The following KCNIP4 variants were observed in gnomAD, a reference collection of about 807,000 sequenced individuals.
KCNIP4 encodes the protein potassium voltage-gated channel interacting protein 4.
In KCNIP4, 12 loss-of-function variants were observed where a neutral mutation model predicts 34.0. The observed-to-expected ratio is 0.35, with a 90% CI of 0.23 to 0.57. The LOEUF (loss-of-function observed/expected upper bound fraction) is 0.57, where lower values mean the gene tolerates loss of function less well. Among genes scored for constraint, KCNIP4 ranks in the 20% least tolerant of loss-of-function variants. The probability of loss-of-function intolerance (pLI) is 0.83; values close to 1 mark genes in which losing one functional copy is unlikely to be tolerated. For missense variants in KCNIP4, 238 were observed against 311.7 expected, an observed-to-expected ratio of 0.76 and a Z score of 1.78; for synonymous variants, 124 against 102.2, an observed-to-expected ratio of 1.21 and a Z score of -1.29.
At chr4:21,048,688 G>T (rs978012355) in intron 1 of KCNIP4, among the ~76,000 whole-genome samples, 2 of 152,136 alleles carry the variant, frequency 1.3e-5, no homozygotes, top group Non-Finnish European at 2.9e-5. Context: ...ATTAAAGATG[G>T]CCACACATTC....
At chr4:21,614,154 A>G (rs1033195867) in intron 1 of KCNIP4, among the ~76,000 whole-genome samples, 1 of 152,068 alleles carries the variant, frequency 6.6e-6, no homozygotes, top group African/African-American at 2.4e-5. Flanking sequence ...CAAAAAAAAA[A>G]AAAAAATTCT....
intron 5 of KCNIP4, among the ~76,000 whole-genome samples, chr4:20,735,128 A>T (rs573971882): frequency 1.3e-5 from 2 of 152,368 alleles, no homozygotes; most frequent in South Asian, 4.1e-4. Flanking sequence ...CCGTTTGCTA[A>T]TAAGAAATGT....
chr4:21,637,951 T>C (rs970434583), intron 1 of KCNIP4, among the ~76,000 whole-genome samples: 2 of 152,130 alleles, frequency 1.3e-5, no homozygotes, highest in African/African-American at 4.8e-5. Context: ...CCAATTTTAA[T>C]GTCCATGCTC....
chr4:21,362,458 C>T (rs1719327496), intron 1 of KCNIP4, among the ~76,000 whole-genome samples: 1 of 152,116 alleles, frequency 6.6e-6, no homozygotes, highest in African/African-American at 2.4e-5. Flanking sequence ...AAGGTATGAG[C>T]TTTGGAGTCT....
At chr4:20,956,158 G>A (rs770162057) in intron 1 of KCNIP4, among the ~76,000 whole-genome samples, 18 of 152,110 alleles carry the variant, frequency 1.2e-4, no homozygotes, top group Non-Finnish European at 2.6e-4. Flanking sequence ...TTCAATAAAT[G>A]TTTACCAGTA....
intron 3 of KCNIP4, among the ~76,000 whole-genome samples, chr4:20,831,020 T>C (rs1718368653): frequency 6.6e-6 from 1 of 152,196 alleles, no homozygotes; most frequent in Non-Finnish European, 1.5e-5. Context: ...AGTATTTGCC[T>C]CTGTAAAATA....
intron 1 of KCNIP4, among the ~76,000 whole-genome samples, chr4:21,335,024 A>G (rs1716037865): frequency 6.6e-6 from 1 of 151,982 alleles, no homozygotes; most frequent in Admixed American, 6.6e-5. Flanking sequence ...CATTCCCAGG[A>G]GCTCTCCTTT....
intron 1 of KCNIP4, among the ~76,000 whole-genome samples, chr4:21,713,204 C>T (rs896656573): frequency 2.0e-5 from 3 of 152,140 alleles, no homozygotes; most frequent in Non-Finnish European, 4.4e-5. Flanking sequence ...GTATATTAAA[C>T]ACATTGGAAA....
At chr4:21,713,631 T>C (rs1713919863) in intron 1 of KCNIP4, among the ~76,000 whole-genome samples, 1 of 152,174 alleles carries the variant, frequency 6.6e-6, no homozygotes. Context: ...CTTCTAGCAA[T>C]TTTGAAATAT....
intron 1 of KCNIP4, among the ~76,000 whole-genome samples, chr4:21,874,158 T>C (rs1725968266): frequency 6.6e-6 from 1 of 152,240 alleles, no homozygotes; most frequent in South Asian, 2.1e-4. Context: ...AGAATGGTTA[T>C]GTCACATTCG....
chr4:21,074,907 T>C (rs569632415), intron 1 of KCNIP4, among the ~76,000 whole-genome samples: 1 of 152,324 alleles, frequency 6.6e-6, no homozygotes, highest in East Asian at 1.9e-4. Flanking sequence ...CCAGTAGTCA[T>C]TCAGGAGCAG....
chr4:20,793,776 C>G (rs554651939), intron 3 of KCNIP4, among the ~76,000 whole-genome samples: 4 of 151,858 alleles, frequency 2.6e-5, no homozygotes, highest in African/African-American at 9.7e-5. Flanking sequence ...CTAGATGATC[C>G]CATCTGAGGG....
intron 3 of KCNIP4, among the ~76,000 whole-genome samples, chr4:20,787,564 T>C (rs369500643): frequency 1.3e-5 from 2 of 152,150 alleles, no homozygotes; most frequent in African/African-American, 4.8e-5. Context: ...TCTGTATCTC[T>C]ATGTATATGA....
At chr4:21,878,205 A>T (rs915762656) in intron 1 of KCNIP4, among the ~76,000 whole-genome samples, 1 of 152,116 alleles carries the variant, frequency 6.6e-6, no homozygotes, top group Non-Finnish European at 1.5e-5. Flanking sequence ...CCACCCAAGT[A>T]GCTGGGATTA....
intron 3 of KCNIP4, among the ~76,000 whole-genome samples, chr4:20,811,730 T>TA (rs1428784197): frequency 6.6e-6 from 1 of 152,140 alleles, no homozygotes; most frequent in Non-Finnish European, 1.5e-5. Flanking sequence ...GAAGACTAGT[T>TA]AAGAAGTTTT....
At chr4:21,089,020 C>T (rs1746730738) in intron 1 of KCNIP4, among the ~76,000 whole-genome samples, 1 of 152,146 alleles carries the variant, frequency 6.6e-6, no homozygotes, top group Non-Finnish European at 1.5e-5. Context: ...CCTATTATAA[C>T]TTCAGATAGG....
intron 1 of KCNIP4, among the ~76,000 whole-genome samples, chr4:21,198,175 C>G (rs1173326881): frequency 2.0e-5 from 3 of 152,168 alleles, no homozygotes; most frequent in African/African-American, 2.4e-5. Flanking sequence ...TGTACAATAA[C>G]ATTATTCTCG....
chr4:20,986,950 G>C (rs751522526), intron 1 of KCNIP4, among the ~76,000 whole-genome samples: 1 of 152,084 alleles, frequency 6.6e-6, no homozygotes, highest in Non-Finnish European at 1.5e-5. Context: ...TCTCTCAGCT[G>C]TGGCTACCGG....
At chr4:20,894,835 T>C (rs530930723) in intron 1 of KCNIP4, among the ~76,000 whole-genome samples, 1 of 152,196 alleles carries the variant, frequency 6.6e-6, no homozygotes, top group African/African-American at 2.4e-5. Flanking sequence ...TTGAACATGA[T>C]CTTGTTCTAA....
Sources: gnomAD v4.1 joint callset for allele counts (sites outside exome capture counted in the v4.1 genomes callset) on GRCh38, gnomAD v4.1.1 for gene constraint, MANE v1.5 for transcripts, NCBI Gene and HGNC (gene_info 2026-07-23, HGNC 2026-07-21) for gene names.